The following RTN1 variants were observed in gnomAD, a reference collection of about 807,000 sequenced individuals.
RTN1 encodes the protein reticulon 1, also known as reticulon-1.
A neutral mutation model predicts 65.5 loss-of-function variants in RTN1; 25 were observed. The observed-to-expected ratio is 0.38, with a 90% CI of 0.28 to 0.53. RTN1 has a LOEUF of 0.53. Among genes scored for constraint, RTN1 ranks in the 20% least tolerant of loss-of-function variants. The probability of loss-of-function intolerance (pLI) is 0.79; values close to 1 mark genes in which losing one functional copy is unlikely to be tolerated. For synonymous variants in RTN1, 471 were observed against 447.6 expected (o/e 1.05, Z -0.66); for missense variants, 983 against 1,025.4 (o/e 0.96, Z 0.57).
chr14:59,807,905 T>C (rs1468810826), intron 1 of RTN1, among the ~76,000 whole-genome samples: 9 of 152,338 alleles, frequency 5.9e-5, no homozygotes, highest in Non-Finnish European at 1.3e-4. Context: ...GTCCTGTTCT[T>C]TCAATATACT....
intron 1 of RTN1, among the ~76,000 whole-genome samples, chr14:59,764,585 G>A (rs1376782702): frequency 6.6e-6 from 1 of 152,100 alleles, no homozygotes; most frequent in Non-Finnish European, 1.5e-5. Context: ...GCCTCCCAAA[G>A]TGCTGGGATT....
At chr14:59,750,260 T>TCTATAATATATTATAG in intron 1 of RTN1, among the ~76,000 whole-genome samples, 1 of 77,530 alleles carries the variant, frequency 1.3e-5, no homozygotes, top group African/African-American at 5.5e-5. Flanking sequence ...ATATATAATA[T>TCTATAATATATTATAG]ATATAATATC....
intron 3 of RTN1, among the ~76,000 whole-genome samples, chr14:59,621,272 T>C (rs1882248112): frequency 6.6e-6 from 1 of 152,230 alleles, no homozygotes; most frequent in Non-Finnish European, 1.5e-5. Context: ...GCTTTTCTCT[T>C]TTAATATCCT....
chr14:59,824,680 G>A (rs1887000037), intron 1 of RTN1, among the ~76,000 whole-genome samples: 2 of 152,212 alleles, frequency 1.3e-5, no homozygotes, highest in Non-Finnish European at 2.9e-5. Context: ...TCAAGAGGTC[G>A]CTGGGGTTTT....
rs189752464 is a variant in RTN1, at chr14:59,777,152, T to C, written c.242-30671A>G. Among the ~76,000 whole-genome samples, 803 of 152,266 alleles carry C rather than the reference T, an allele frequency of 5.3e-3. 3 individuals are homozygous for C. Among genetic ancestry groups the C allele is most frequent in the Non-Finnish European group, 8.7e-3 (593 of 68,022 alleles). Reference sequence around the variant, plus strand: ...TGTACTGCAGAAGAGTAAGAGACTCTACCTTGTGCTGTCTTTGGTCCGATA... The same window carrying C: ...TGTACTGCAGAAGAGTAAGAGACTCCACCTTGTGCTGTCTTTGGTCCGATA... On this transcript the variant is annotated intron_variant, in intron 1 of 8. Transcript: ENST00000267484.
chr14:59,706,140 C>T (rs1884289076), intron 3 of RTN1, among the ~76,000 whole-genome samples: 1 of 152,176 alleles, frequency 6.6e-6, no homozygotes, highest in South Asian at 2.1e-4. Flanking sequence ...GACATTTCAC[C>T]TATTCTCTCA....
intron 3 of RTN1, among the ~76,000 whole-genome samples, chr14:59,657,613 G>A (rs573169152): frequency 2.6e-5 from 4 of 152,166 alleles, no homozygotes; most frequent in Admixed American, 2.6e-4. Flanking sequence ...TCAGGGTGGG[G>A]CCTTGCCTCA....
At chr14:59,630,801 G>C in intron 3 of RTN1, 1 of 1,034,224 alleles carries the variant, frequency 9.7e-7, no homozygotes, top group Non-Finnish European at 1.2e-6. Flanking sequence ...CCTGGAGACG[G>C]GTAAAGCGGT....
In RTN1 at chr14:59,603,920, A is replaced by T. The variant is rs1881662039; in HGVS notation, c.2114T>A (p.Phe705Tyr). 2 of 1,610,758 alleles carry T rather than the reference A, an allele frequency of 1.2e-6. No individual in the cohort carries two copies. The highest frequency in any genetic ancestry group is 1.7e-6 in the Non-Finnish European group (2 of 1,177,510). Reference protein sequence around the residue: ...LVQDLVDSLKFAVLMWLLTYV... With the variant: ...LVQDLVDSLKYAVLMWLLTYV... The stretch of plus-strand genomic sequence containing the variant: ...GGTCAGGAGCCACATCAGGACTGCA[A>T]ACTGAAGAACGAAAGCATTATTAGA... The change falls in exon 6 of 9, where the codon TTT (phenylalanine) becomes TAT (tyrosine). Residue 705 changes from phenylalanine to tyrosine, a missense_variant and splice_region_variant. Around this residue, in one of 2 missense-constraint regions of RTN1, gnomAD observed 165 missense variants for 223.6 expected, o/e 0.74. Transcript: ENST00000267484.
At chr14:59,833,612 G>T (rs1013728261) in intron 1 of RTN1, among the ~76,000 whole-genome samples, 13 of 152,058 alleles carry the variant, frequency 8.5e-5, no homozygotes, top group Non-Finnish European at 1.9e-4. Context: ...GGAGTTTGGT[G>T]TACATATAAC....
chr14:59,867,328 C>A (rs1242112385), intron 1 of RTN1, among the ~76,000 whole-genome samples: 1 of 152,146 alleles, frequency 6.6e-6, no homozygotes, highest in African/African-American at 2.4e-5. Flanking sequence ...TAGATGATGG[C>A]ACTTTTATGA....
intron 5 of RTN1, 115 bp from the exon 6 acceptor site, chr14:59,604,036 T>C (rs541828116): frequency 9.9e-6 from 7 of 704,440 alleles, no homozygotes; most frequent in Non-Finnish European, 1.7e-5. Context: ...ATGATTTCGA[T>C]AGTCAATGAA....
At chr14:59,869,921 A>G (rs1594774419) in intron 1 of RTN1, among the ~76,000 whole-genome samples, 1 of 152,174 alleles carries the variant, frequency 6.6e-6, no homozygotes, top group Non-Finnish European at 1.5e-5. Flanking sequence ...TCTGCCCTGG[A>G]CAGAGCCGGG....
chr14:59,718,702 T>C (rs962023014), intron 3 of RTN1, among the ~76,000 whole-genome samples: 4 of 152,156 alleles, frequency 2.6e-5, no homozygotes, highest in Non-Finnish European at 5.9e-5. Context: ...ATAATCCAAA[T>C]GGATGAGTTT....
chr14:59,630,915 G>T, intron 3 of RTN1: 1 of 890,720 alleles, frequency 1.1e-6, no homozygotes, highest in Non-Finnish European at 1.3e-6. Context: ...GGCTGTTCCT[G>T]GGAGTTCTTG....
intron 3 of RTN1, among the ~76,000 whole-genome samples, chr14:59,623,072 CAAAGGAA>C: frequency 6.6e-6 from 1 of 152,282 alleles, no homozygotes; most frequent in Non-Finnish European, 1.5e-5. Context: ...TTTGGTGGAA[CAAAGGAA>C]AATGAAGGAT....
At chr14:59,757,813 G>C (rs558070630) in intron 1 of RTN1, among the ~76,000 whole-genome samples, 2 of 152,202 alleles carry the variant, frequency 1.3e-5, no homozygotes, top group African/African-American at 2.4e-5. Context: ...CTAGTTTATG[G>C]TGTTTTGTTA....
At chr14:59,785,136 T>A (rs1440951271) in intron 1 of RTN1, among the ~76,000 whole-genome samples, 2 of 152,204 alleles carry the variant, frequency 1.3e-5, no homozygotes, top group Non-Finnish European at 2.9e-5. Context: ...GTCTTACAAC[T>A]GTAAATATCC....
intron 3 of RTN1, chr14:59,630,529 C>G: frequency 1.2e-6 from 2 of 1,612,980 alleles, no homozygotes; most frequent in Non-Finnish European, 1.7e-6. Context: ...GGGGGCTCGC[C>G]GTGGCTCTCC....
Sources: gnomAD v4.1 joint callset for allele counts (sites outside exome capture counted in the v4.1 genomes callset) on GRCh38, gnomAD v4.1.1 for gene constraint, gnomAD v4.1.1 regional missense constraint, MANE v1.5 for transcripts, NCBI Gene and HGNC (gene_info 2026-07-23, HGNC 2026-07-21) for gene names.